Variants in CPQ observed in about 807,000 individuals in gnomAD.
CPQ encodes the protein Ser-Met dipeptidase.
CPQ carries 37 observed loss-of-function variants against 45.7 expected under a neutral mutation model. The ratio of observed to expected loss-of-function variants is 0.81; its 90% CI spans 0.62 to 1.07. The LOEUF (loss-of-function observed/expected upper bound fraction) is 1.07, where lower values mean the gene tolerates loss of function less well. Ranked by LOEUF, CPQ falls within the 50% of genes least tolerant of loss-of-function variation. The pLI, the probability that CPQ is intolerant of heterozygous loss-of-function variation, is 0.00. For synonymous variants in CPQ, 186 were observed against 205.8 expected (o/e 0.90, Z 0.82); for missense variants, 537 against 572.9 (o/e 0.94, Z 0.64).
rs1554571836 is a variant in CPQ, at chr8:96,835,006, T to C, written c.467T>C (p.Phe156Ser). 6.2e-7 allele frequency: 1 copy of C among 1,613,528 alleles called. No homozygotes were observed. Among genetic ancestry groups the C allele is most frequent in the Non-Finnish European group, 8.5e-7 (1 of 1,179,760 alleles). ...ITAEVLVVTS[F>S]DELQRRASEA... is the part of the protein sequence containing the mutation. ...GCAGAAGTTCTGGTGGTGACCTCTT[T>C]CGATGAACTGCAGAGAAGGGCCTCA... Residue 156 changes from phenylalanine to serine, a missense_variant, in exon 3 of 8, where the codon TTC (phenylalanine) becomes TCC (serine). By Grantham distance (155) the Phe-to-Ser change is radical. Transcript: ENST00000220763.
intron 3 of CPQ, among the ~76,000 whole-genome samples, chr8:96,845,026 C>G (rs370296716): frequency 6.6e-6 from 1 of 152,224 alleles, no homozygotes; most frequent in African/African-American, 2.4e-5. Flanking sequence ...TATTTTCCAC[C>G]TCAGGGCCTT....
chr8:97,010,409 T>G (rs1472283636), intron 5 of CPQ, among the ~76,000 whole-genome samples: 1 of 152,230 alleles, frequency 6.6e-6, no homozygotes, highest in African/African-American at 2.4e-5. Context: ...TTTTAACTTT[T>G]GTTTCCTTAT....
At chr8:97,117,630 T>C (rs1462267435) in intron 7 of CPQ, among the ~76,000 whole-genome samples, 5 of 152,136 alleles carry the variant, frequency 3.3e-5, no homozygotes, top group African/African-American at 1.2e-4. Flanking sequence ...CCTCCCAGGC[T>C]CAAGCAATCC....
chr8:97,126,534 C>A (rs1811850361), intron 7 of CPQ, among the ~76,000 whole-genome samples: 1 of 152,068 alleles, frequency 6.6e-6, no homozygotes, highest in Non-Finnish European at 1.5e-5. Context: ...AAGAAAACTA[C>A]AAACATATGC....
intron 7 of CPQ, among the ~76,000 whole-genome samples, chr8:97,095,090 G>A (rs903584587): frequency 2.6e-5 from 4 of 151,892 alleles, no homozygotes; most frequent in African/African-American, 7.3e-5. Context: ...AGTCCCTTAC[G>A]TGTTAGTATA....
At chr8:96,706,914 T>G (rs1809536965) in intron 1 of CPQ, among the ~76,000 whole-genome samples, 1 of 152,118 alleles carries the variant, frequency 6.6e-6, no homozygotes. Context: ...TAAGCTGAAG[T>G]AAAAAGCCTG....
intron 1 of CPQ, among the ~76,000 whole-genome samples, chr8:96,758,923 A>T (rs1810362369): frequency 6.6e-6 from 1 of 152,140 alleles, no homozygotes; most frequent in South Asian, 2.1e-4. Flanking sequence ...TACATGTTTC[A>T]TACATACCTA....
intron 7 of CPQ, among the ~76,000 whole-genome samples, chr8:97,112,380 C>T (rs2130595147): frequency 6.6e-6 from 1 of 152,178 alleles, no homozygotes; most frequent in African/African-American, 2.4e-5. Flanking sequence ...TCTGGGAAGG[C>T]CTCAGAGAAG....
intron 3 of CPQ, among the ~76,000 whole-genome samples, chr8:96,844,090 G>A (rs566006452): frequency 2.8e-4 from 42 of 152,088 alleles, no homozygotes; most frequent in South Asian, 6.2e-4. Flanking sequence ...CATCATTGTG[G>A]CATGTTTTTC....
chr8:97,031,841 G>A (rs957939935), intron 6 of CPQ, among the ~76,000 whole-genome samples: 10 of 152,090 alleles, frequency 6.6e-5, no homozygotes, highest in African/African-American at 2.2e-4. Flanking sequence ...GAAAACATTG[G>A]CATTTTGTTT....
In CPQ at chr8:96,843,017, G is replaced by A. The variant is rs141986552; in HGVS notation, c.641+7837G>A. Among the ~76,000 whole-genome samples, 82 of 152,060 alleles carry A rather than the reference G, an allele frequency of 5.4e-4. No homozygotes were observed. The East Asian group carries it at 9.9e-3, about 18-fold the overall frequency. On this transcript the variant is annotated intron_variant, in intron 3 of 7. Transcript: ENST00000220763. ...GCCTCCCGGGTTCAAGCGATTCTCC[G>A]GTCTCAGCCTCCTGAGTGGCTGGGA...
intron 3 of CPQ, among the ~76,000 whole-genome samples, chr8:96,868,157 T>C (rs1812019046): frequency 2.0e-5 from 3 of 152,038 alleles, no homozygotes; most frequent in Admixed American, 6.6e-5. Flanking sequence ...CAGAGTGAGG[T>C]TGAGGCCAAC....
At chr8:96,738,311 T>C (rs1810022099) in intron 1 of CPQ, among the ~76,000 whole-genome samples, 1 of 152,160 alleles carries the variant, frequency 6.6e-6, no homozygotes, top group South Asian at 2.1e-4. Flanking sequence ...TATGTTAAAA[T>C]CTTCCATTTA....
chr8:96,869,658 G>T (rs1391606080), intron 3 of CPQ, among the ~76,000 whole-genome samples: 1 of 152,052 alleles, frequency 6.6e-6, no homozygotes, highest in African/African-American at 2.4e-5. Context: ...AAGTCTTGAA[G>T]TCTCCAGCAC....
chr8:97,123,211 TA>T (rs1563587408), intron 7 of CPQ, among the ~76,000 whole-genome samples: 3 of 67,818 alleles, frequency 4.4e-5, no homozygotes, highest in African/African-American at 1.9e-4. Context: ...AAATAAAAAA[TA>T]AAATAAAATA....
chr8:96,822,357 T>A (rs908983544), intron 2 of CPQ, among the ~76,000 whole-genome samples: 2 of 152,072 alleles, frequency 1.3e-5, no homozygotes, highest in Non-Finnish European at 2.9e-5. Context: ...AATGTTGTAA[T>A]GAACATAGGA....
At chr8:96,965,053 T>C (rs1813531848) in intron 4 of CPQ, among the ~76,000 whole-genome samples, 1 of 152,220 alleles carries the variant, frequency 6.6e-6, no homozygotes, top group African/African-American at 2.4e-5. Flanking sequence ...AAATGTGTAA[T>C]ATAATTTCTA....
At chr8:96,682,691 TA>T (rs2130730341) in intron 1 of CPQ, among the ~76,000 whole-genome samples, 1 of 152,370 alleles carries the variant, frequency 6.6e-6, no homozygotes, top group South Asian at 2.1e-4. Flanking sequence ...CATCATTATA[TA>T]ATGACTTTCT....
chr8:96,785,613 G>T (rs550042009), intron 2 of CPQ, among the ~76,000 whole-genome samples: 66 of 152,158 alleles, frequency 4.3e-4, no homozygotes, highest in African/African-American at 1.5e-3. Flanking sequence ...TTAAACATTA[G>T]CATGGTTCTA....
Sources: gnomAD v4.1 joint callset for allele counts (sites outside exome capture counted in the v4.1 genomes callset) on GRCh38, gnomAD v4.1.1 for gene constraint, MANE v1.5 for transcripts, NCBI Gene and HGNC (gene_info 2026-07-23, HGNC 2026-07-21) for gene names.